The following NPAS3 variants were observed in gnomAD, a reference collection of about 807,000 sequenced individuals.
NPAS3 encodes neuronal PAS domain-containing protein 3.
NPAS3 carries 14 observed loss-of-function variants against 73.1 expected under a neutral mutation model. That is an observed-to-expected ratio of 0.19 (90% confidence interval 0.13 to 0.30). The LOEUF (loss-of-function observed/expected upper bound fraction) is 0.30, where lower values mean the gene tolerates loss of function less well. Ranked by LOEUF, NPAS3 falls within the 10% of genes least tolerant of loss-of-function variation. The pLI, the probability that NPAS3 is intolerant of heterozygous loss-of-function variation, is 1.00. For synonymous variants in NPAS3, 620 were observed against 541.5 expected (o/e 1.14, Z -2.01); for missense variants, 1,096 against 1,250.0 (o/e 0.88, Z 1.86).
chr14:33,020,661 C>T (rs2039559674), intron 1 of NPAS3, among the ~76,000 whole-genome samples: 1 of 152,122 alleles, frequency 6.6e-6, no homozygotes, highest in South Asian at 2.1e-4. Context: ...TATTTTGCTT[C>T]CCAGCTCGCC....
intron 6 of NPAS3, among the ~76,000 whole-genome samples, chr14:33,722,899 C>A (rs2061156374): frequency 6.6e-6 from 1 of 151,984 alleles, no homozygotes; most frequent in Non-Finnish European, 1.5e-5. Flanking sequence ...TGGAATTGAG[C>A]CATAATAAAA....
intron 11 of NPAS3, among the ~76,000 whole-genome samples, chr14:33,799,030 A>T (rs910653509): frequency 6.6e-6 from 1 of 150,676 alleles, no homozygotes; most frequent in Non-Finnish European, 1.5e-5. Context: ...CTCTGGTCTT[A>T]GCCACTCGGG....
At position 33,184,593 on chromosome 14, in the gene NPAS3, G is replaced by A. The variant is rs1437543086; in HGVS notation, c.141-30589G>A. Reference sequence around the variant, plus strand: ...GCCAGTGAAATGGGGTGACAAAGGAGTTAGGGGGTTATTGCAGTAGTTCAG... The same window carrying A: ...GCCAGTGAAATGGGGTGACAAAGGAATTAGGGGGTTATTGCAGTAGTTCAG... On this transcript the variant is annotated intron_variant, in intron 2 of 11. Coordinates refer to ENST00000356141, the Ensembl canonical transcript of NPAS3. Among the ~76,000 whole-genome samples, 3 of 152,154 alleles carry A rather than the reference G, an allele frequency of 2.0e-5. No homozygotes were observed. The East Asian group carries it at 5.8e-4, about 29-fold the overall frequency.
chr14:33,800,247 A>G lies in NPAS3; in HGVS notation c.1940A>G (p.Lys647Arg), dbSNP rs1490386378. 1 of 1,613,112 alleles carries G rather than the reference A, an allele frequency of 6.2e-7. No individual in the cohort carries two copies. The highest frequency in any genetic ancestry group is 8.5e-7 in the Non-Finnish European group (1 of 1,179,644). Residue 647 changes from lysine (K) to arginine (R), a missense_variant, in exon 12 of 12, where the codon AAG becomes AGG. Lys to Arg is a conservative substitution (Grantham distance 26). Coordinates refer to ENST00000356141, the Ensembl canonical transcript of NPAS3. The surrounding 1 kb of genome is among the most constrained non-coding windows in gnomAD (Gnocchi z 6.5). ...TCCCCCAACAGTGCCTCGGTGCTCA[A>G]GATCAAGACGGAGATCTCAGAACCC...
intron 3 of NPAS3, among the ~76,000 whole-genome samples, chr14:33,294,635 G>A (rs755863391): frequency 5.9e-5 from 9 of 152,122 alleles, no homozygotes; most frequent in Non-Finnish European, 1.2e-4. Flanking sequence ...ATTTAATCAC[G>A]TGATGATTTA....
intron 4 of NPAS3, among the ~76,000 whole-genome samples, chr14:33,541,573 T>A (rs186383585): frequency 9.7e-4 from 147 of 152,292 alleles, no homozygotes; most frequent in African/African-American, 3.3e-3. Flanking sequence ...GGAAAACCGA[T>A]GCACTCCCTG....
rs116025801 is a variant in NPAS3, at chr14:33,217,733, T to C, written c.385+2307T>C. On this transcript the variant is annotated intron_variant, in intron 3 of 11. Coordinates refer to ENST00000356141, the Ensembl canonical transcript of NPAS3. ...GTAGTCCAGCTTACTTCCAGAATCATGGCCTTTTAGGCATGCGAATGTATA... is the reference window on the plus strand; with the variant it reads ...GTAGTCCAGCTTACTTCCAGAATCACGGCCTTTTAGGCATGCGAATGTATA... Among the ~76,000 whole-genome samples, 798 of 152,316 alleles carry C rather than the reference T, an allele frequency of 5.2e-3. 9 individuals carry two copies. Among genetic ancestry groups the C allele is most frequent in the African/African-American group, 0.018 (766 of 41,572 alleles).
At chr14:32,935,069 GC>G (rs1173065084), upstream of NPAS3, 2 of 1,009,850 alleles carry the variant, frequency 2.0e-6, no homozygotes, top group Non-Finnish European at 2.5e-6. Context: ...GACTCACTTT[GC>G]CTCCTGTTTT....
intron 4 of NPAS3, among the ~76,000 whole-genome samples, chr14:33,544,115 A>C (rs1190758805): frequency 6.6e-6 from 1 of 151,504 alleles, no homozygotes; most frequent in African/African-American, 2.4e-5. Flanking sequence ...TGTTAATATT[A>C]TTATTAAAAT....
At position 33,778,587 on chromosome 14, in the gene NPAS3, T is replaced by G. The variant is rs1198920012; in HGVS notation, c.1153+15T>G. 4.4e-5 allele frequency: 68 copies of G among 1,561,190 alleles called. No individual in the cohort carries two copies. Among genetic ancestry groups the G allele is most frequent in the Non-Finnish European group, 5.7e-5 (65 of 1,131,892 alleles). On this transcript the variant is annotated intron_variant, in intron 9 of 11. Transcript: ENST00000356141. ...TCACTTGGACTGTAAGTACCTCCTG[T>G]GTGGGGGAATAACCCCGGCTGGTGT...
At chr14:32,961,490 C>T (rs1206975636) in intron 1 of NPAS3, among the ~76,000 whole-genome samples, 1 of 151,530 alleles carries the variant, frequency 6.6e-6, no homozygotes, top group Non-Finnish European at 1.5e-5. Context: ...CTGCTGTTTT[C>T]ACACTGAATC....
chr14:33,706,837 G>A (rs2060669086), intron 6 of NPAS3, among the ~76,000 whole-genome samples: 1 of 152,060 alleles, frequency 6.6e-6, no homozygotes, highest in African/African-American at 2.4e-5. Context: ...AGCCTCCCCT[G>A]GCTCCGTCTC....
At chr14:33,190,120 T>C (rs982662352) in intron 2 of NPAS3, among the ~76,000 whole-genome samples, 4 of 152,210 alleles carry the variant, frequency 2.6e-5, no homozygotes, top group South Asian at 2.1e-4. Flanking sequence ...TATTGTAATA[T>C]TAAAAGTTTA....
chr14:33,442,545 T>G (rs1321677699), intron 4 of NPAS3, among the ~76,000 whole-genome samples: 1 of 152,240 alleles, frequency 6.6e-6, no homozygotes, highest in Non-Finnish European at 1.5e-5. Context: ...TGAGGGTGGT[T>G]CCCCCATGCT....
At chr14:33,163,807 A>C (rs1041130740) in intron 2 of NPAS3, among the ~76,000 whole-genome samples, 1 of 152,132 alleles carries the variant, frequency 6.6e-6, no homozygotes, top group African/African-American at 2.4e-5. Flanking sequence ...TTCCAGGCCG[A>C]ATGTGCCAGG....
intron 5 of NPAS3, among the ~76,000 whole-genome samples, chr14:33,626,450 G>A (rs919570599): frequency 7.9e-5 from 12 of 152,204 alleles, no homozygotes; most frequent in African/African-American, 1.4e-4. Flanking sequence ...GGGTGTATAC[G>A]TCCCACTGTG....
intron 4 of NPAS3, among the ~76,000 whole-genome samples, chr14:33,402,412 C>G (rs1170935115): frequency 6.6e-6 from 1 of 151,904 alleles, no homozygotes; most frequent in Admixed American, 6.6e-5. Flanking sequence ...AAACTCTAGC[C>G]CTCCTTTCAG....
At chr14:33,248,373 C>A (rs1373053441) in intron 3 of NPAS3, among the ~76,000 whole-genome samples, 2 of 152,204 alleles carry the variant, frequency 1.3e-5, no homozygotes, top group Non-Finnish European at 2.9e-5. Flanking sequence ...ATGTTCTAAT[C>A]TTTAGCAGAG....
intron 3 of NPAS3, among the ~76,000 whole-genome samples, chr14:33,362,045 A>G (rs571812227): frequency 6.6e-6 from 1 of 152,342 alleles, no homozygotes; most frequent in Non-Finnish European, 1.5e-5. Context: ...TATGAAAACA[A>G]TAACAGTGCG....
Sources: allele counts gnomAD v4.1 joint callset (sites outside exome capture counted in the v4.1 genomes callset), GRCh38; gene constraint gnomAD v4.1.1; non-coding constraint Gnocchi (gnomAD v3.1); transcripts MANE v1.5; gene names NCBI Gene and HGNC (gene_info 2026-07-23, HGNC 2026-07-21).